ABCG8: variants seen among roughly 807,000 people sequenced by gnomAD.
ABCG8 encodes the protein ATP binding cassette subfamily G member 8.
ABCG8 carries 81 observed loss-of-function variants against 71.3 expected under a neutral mutation model. The observed-to-expected ratio is 1.14, with a 90% CI of 0.95 to 1.37. The LOEUF (loss-of-function observed/expected upper bound fraction) is 1.37. Among genes scored for constraint, ABCG8 ranks in the 40% most tolerant of loss-of-function variants. ABCG8 has a pLI of 0.00. For synonymous variants in ABCG8, 451 were observed against 354.7 expected, an observed-to-expected ratio of 1.27 and a Z score of -3.05; for missense variants, 1,119 against 866.2, an observed-to-expected ratio of 1.29 and a Z score of -3.66.
intron 6 of ABCG8, among the ~76,000 whole-genome samples, chr2:43,859,869 A>G (rs765363994): frequency 4.6e-5 from 7 of 151,474 alleles, no homozygotes; most frequent in Non-Finnish European, 7.4e-5. Flanking sequence ...CACTCTCTGG[A>G]TAGAACTCTC....
chr2:43,846,581 C>T (rs1668750181), intron 3 of ABCG8: 1 of 465,260 alleles, frequency 2.1e-6, no homozygotes, highest in Non-Finnish European at 4.0e-6. Flanking sequence ...CTTTGGCTAA[C>T]ACCTGGACGG....
intron 6 of ABCG8, among the ~76,000 whole-genome samples, chr2:43,862,819 C>A (rs1669374832): frequency 2.0e-5 from 3 of 148,242 alleles, no homozygotes; most frequent in South Asian, 4.3e-4. Flanking sequence ...ATCTGGTTAG[C>A]ACTCTTACTA....
In ABCG8 at chr2:43,842,412, G is replaced by A. The variant is rs532247405; in HGVS notation, c.64-2095G>A. On this transcript the variant is annotated intron_variant, in intron 1 of 12. Coordinates refer to ENST00000272286, the MANE Select transcript of ABCG8 (RefSeq NM_022437.3). ...AGCGGAGAGGGCGAGTGAGGGGCAAGGCCGAAGGGCTGATCTGCCAGGAGT... is the reference window on the plus strand; with the variant it reads ...AGCGGAGAGGGCGAGTGAGGGGCAAAGCCGAAGGGCTGATCTGCCAGGAGT... Among the ~76,000 whole-genome samples the A allele has an allele frequency of 1.2e-4, 19 of 152,318 alleles. No individual in the cohort carries two copies. In the South Asian group the frequency reaches 3.7e-3, roughly 30 times the overall value.
Position 43,852,657 on chromosome 2 carries a change from G to A in ABCG8, c.753G>A (p.Leu251=). Residue 251 remains leucine, a synonymous_variant, in exon 6 of 13, where the codon CTG becomes CTA. Transcript: ENST00000272286. ...TCGACAGCTTCACAGCCCACAACCTGGTGAAGACCTTGTCCAGGCTGGCCA... is the reference window on the plus strand; with the variant it reads ...TCGACAGCTTCACAGCCCACAACCTAGTGAAGACCTTGTCCAGGCTGGCCA... ...SGLDSFTAHN[L]VKTLSRLAKG... 6.2e-7 allele frequency: 1 copy of A among 1,614,202 alleles called. No individual in the cohort carries two copies. The highest frequency in any genetic ancestry group is 8.5e-7 in the Non-Finnish European group (1 of 1,180,032).
chr2:43,856,266 A>G (rs1017065185), intron 6 of ABCG8, among the ~76,000 whole-genome samples: 1 of 139,958 alleles, frequency 7.1e-6, no homozygotes, highest in Non-Finnish European at 1.6e-5. Context: ...AGAACTCTCA[A>G]TATCTGGATG....
chr2:43,854,559 G>A (rs990591816), intron 6 of ABCG8, among the ~76,000 whole-genome samples: 1 of 150,878 alleles, frequency 6.6e-6, no homozygotes, highest in African/African-American at 2.4e-5. Flanking sequence ...CCTGAGAGGC[G>A]GAGGTTGCAG....
chr2:43,844,509 C>T lies in ABCG8; in HGVS notation c.66C>T (p.Gly22=). 6.2e-7 allele frequency: 1 copy of T among 1,612,972 alleles called. No homozygotes were observed. The highest frequency in any genetic ancestry group is 1.3e-5 in the African/African-American group (1 of 75,028). Residue 22 remains glycine (G), a splice_region_variant and synonymous_variant, in exon 2 of 13, where the codon GGC becomes GGT. Transcript: ENST00000272286. ...CTCATCTCTCCTGTCTCCCACAGGG[C>T]CTCCAGGATAGATTGTTCTCCTCTG... The part of the protein sequence containing the change: ...PKGATPQDTS[G]LQDRLFSSES...
At position 43,857,547 on chromosome 2, in the gene ABCG8, A is replaced by T. The variant is rs146000701; in HGVS notation, c.964+4679A>T. On this transcript the variant is annotated intron_variant, in intron 6 of 12. Transcript: ENST00000272286. ...TATGGAAAGAATTCTCAACATCTGGATAGAATCCTCACTATCTGGATAGAA... is the reference window on the plus strand; with the variant it reads ...TATGGAAAGAATTCTCAACATCTGGTTAGAATCCTCACTATCTGGATAGAA... Among the ~76,000 whole-genome samples the T allele has an allele frequency of 6.8e-3, 1,033 of 151,854 alleles. 11 individuals are homozygous for T. Among genetic ancestry groups the T allele is most frequent in the African/African-American group, 0.021 (887 of 41,506 alleles).
At chr2:43,875,100 A>G in intron 10 of ABCG8, 46 bp from the exon 11 acceptor site, 1 of 1,613,782 alleles carries the variant, frequency 6.2e-7, no homozygotes. Flanking sequence ...TAATAATGGC[A>G]GTGAAGGTGC....
Position 43,872,145 on chromosome 2 carries a change from T to C in ABCG8, c.1127+7T>C, listed in dbSNP as rs1444911405. On this transcript the variant is annotated splice_region_variant and intron_variant, in intron 7 of 12. Coordinates refer to ENST00000272286, the MANE Select transcript of ABCG8 (RefSeq NM_022437.3). ...AGGACACCTGTGTGGAAAGGTAAGGTGGCAGGCGACTCTGAGAGGAGAGCT... is the reference window on the plus strand; with the variant it reads ...AGGACACCTGTGTGGAAAGGTAAGGCGGCAGGCGACTCTGAGAGGAGAGCT... 6.2e-6 allele frequency: 10 copies of C among 1,614,014 alleles called. No homozygotes were observed. The highest frequency in any genetic ancestry group is 8.5e-6 in the Non-Finnish European group (10 of 1,180,016).
intron 6 of ABCG8, among the ~76,000 whole-genome samples, chr2:43,860,577 C>T (rs964475915): frequency 1.3e-5 from 2 of 151,340 alleles, no homozygotes; most frequent in Non-Finnish European, 3.0e-5. Flanking sequence ...ATAGAATTCT[C>T]ACCATCTGCA....
At chr2:43,873,008 G>A (rs988261475) in intron 8 of ABCG8, among the ~76,000 whole-genome samples, 1 of 151,934 alleles carries the variant, frequency 6.6e-6, no homozygotes, top group African/African-American at 2.4e-5. Flanking sequence ...CTGCATGCTG[G>A]TCTGTAGCTG....
intron 11 of ABCG8, among the ~76,000 whole-genome samples, chr2:43,877,283 CTG>C (rs1669989690): frequency 6.7e-6 from 1 of 150,132 alleles, no homozygotes; most frequent in Non-Finnish European, 1.5e-5. Flanking sequence ...TATGGGGAGA[CTG>C]TGGGAATATG....
At chr2:43,851,495 G>A (rs777730067) in intron 3 of ABCG8, 89 bp from the exon 4 acceptor site, 23 of 1,431,878 alleles carry the variant, frequency 1.6e-5, no homozygotes, top group Non-Finnish European at 2.3e-5. Flanking sequence ...GAGTAGTCCG[G>A]GGTCCTGGAG....
At position 43,875,130 on chromosome 2, in the gene ABCG8, G is replaced by A; in HGVS notation, c.1489-16G>A. ...AGGTGCTGGCTTCATATCCTTGCAA[G>A]GGCTGTTCTTTGCAGATCCTCGGGG... On this transcript the variant is annotated splice_polypyrimidine_tract_variant and intron_variant, in intron 10 of 12. Coordinates refer to ENST00000272286, the MANE Select transcript of ABCG8 (RefSeq NM_022437.3). The A allele has an allele frequency of 1.2e-6, 2 of 1,614,188 alleles. No individual in the cohort carries two copies. Among genetic ancestry groups the A allele is most frequent in the Non-Finnish European group, 1.7e-6 (2 of 1,180,048 alleles).
intron 1 of ABCG8, 61 bp downstream of exon 1, chr2:43,839,177 T>C (rs1313309550): frequency 2.6e-5 from 40 of 1,522,980 alleles, no homozygotes; most frequent in Non-Finnish European, 3.3e-5. Flanking sequence ...ATCAAACCTT[T>C]CTCTCTTCCC....
In ABCG8 at chr2:43,871,687, G is replaced by T. The variant is rs72798837; in HGVS notation, c.965-289G>T. On this transcript the variant is annotated intron_variant, in intron 6 of 12. Coordinates refer to ENST00000272286, the MANE Select transcript of ABCG8 (RefSeq NM_022437.3). Reference sequence around the variant, plus strand: ...CCTAAGATGTCCTCAAAATGAGCCTGGGTAGTGGGACTTGGGCGGGGCCTC... The same window carrying T: ...CCTAAGATGTCCTCAAAATGAGCCTTGGTAGTGGGACTTGGGCGGGGCCTC... Among the ~76,000 whole-genome samples the T allele has an allele frequency of 0.05, 7,544 of 152,306 alleles. 228 individuals carry two copies. Among genetic ancestry groups the T allele is most frequent in the Middle Eastern group, 0.1 (30 of 294 alleles).
chr2:43,872,851 A>G (rs1270998784), intron 8 of ABCG8, among the ~76,000 whole-genome samples: 1 of 152,166 alleles, frequency 6.6e-6, no homozygotes, highest in East Asian at 1.9e-4. Context: ...CATTGAGAAA[A>G]ATGGAGACAA....
intron 8 of ABCG8, 113 bp downstream of exon 8, chr2:43,872,419 A>G (rs540788427): frequency 2.3e-6 from 3 of 1,290,104 alleles, no homozygotes; most frequent in East Asian, 5.0e-5. Flanking sequence ...AGGTAGAGTC[A>G]TTTGAAAAAA....
Sources: gnomAD v4.1 joint callset for allele counts (sites outside exome capture counted in the v4.1 genomes callset) on GRCh38, gnomAD v4.1.1 for gene constraint, MANE v1.5 for transcripts, NCBI Gene and HGNC (gene_info 2026-07-23, HGNC 2026-07-21) for gene names.